ARHGAP17: variants seen among roughly 807,000 people sequenced by gnomAD.
The protein encoded by ARHGAP17 is rho GTPase-activating protein 17.
Under a neutral mutation model 99.5 loss-of-function variants are expected in ARHGAP17, and 57 were observed. That is an observed-to-expected ratio of 0.57 (90% CI 0.46 to 0.71). The LOEUF (loss-of-function observed/expected upper bound fraction) is 0.71. Ranked by LOEUF, ARHGAP17 falls within the 30% of genes least tolerant of loss-of-function variation. ARHGAP17 has a pLI of 0.00. For synonymous variants in ARHGAP17, 417 were observed against 429.6 expected (o/e 0.97, Z 0.36); for missense variants, 1,000 against 1,122.4 (o/e 0.89, Z 1.56).
At chr16:24,991,976 G>C (rs1004591456) in intron 1 of ARHGAP17, among the ~76,000 whole-genome samples, 5 of 152,210 alleles carry the variant, frequency 3.3e-5, no homozygotes, top group Non-Finnish European at 7.3e-5. Context: ...ACAGATAGAA[G>C]AGTGATTAAC....
chr16:24,993,588 C>CA lies in ARHGAP17; in HGVS notation c.54-14584dup, dbSNP rs74798570. Among the ~76,000 whole-genome samples the CA allele has an allele frequency of 6.0e-3, 680 of 113,556 alleles. 1 individual carries two copies. Among genetic ancestry groups the CA allele is most frequent in the Middle Eastern group, 0.013 (2 of 158 alleles). 74.5% of individuals were successfully genotyped at this position (113,556 alleles called of 152,430 possible). On this transcript the variant is annotated intron_variant, in intron 1 of 19. Transcript: ENST00000289968. ...TGGGCAATAGAGTGAGACTCTGTCT[C>CA]AAAAAAAAAAAAAAAAAGTAACGGG...
intron 3 of ARHGAP17, among the ~76,000 whole-genome samples, chr16:24,971,691 C>T (rs111339193): frequency 1.6e-4 from 25 of 152,332 alleles, no homozygotes; most frequent in African/African-American, 6.0e-4. Flanking sequence ...CTAAAAACTT[C>T]TAGCTAAAGA....
At chr16:24,925,617 A>T (rs2050819464) in intron 19 of ARHGAP17, among the ~76,000 whole-genome samples, 1 of 152,236 alleles carries the variant, frequency 6.6e-6, no homozygotes, top group Admixed American at 6.5e-5. Context: ...GCAAGTAGAA[A>T]CAGAAGCCAC....
chr16:24,987,522 G>T (rs955840457), intron 1 of ARHGAP17, among the ~76,000 whole-genome samples: 1 of 152,096 alleles, frequency 6.6e-6, no homozygotes, highest in Non-Finnish European at 1.5e-5. Context: ...AGAGACGCTG[G>T]CTTTTCAAGA....
intron 19 of ARHGAP17, chr16:24,927,587 G>T: frequency 2.2e-6 from 1 of 445,738 alleles, no homozygotes; most frequent in Non-Finnish European, 3.4e-6. Flanking sequence ...ATGCAAGCAG[G>T]CAGGGTTAGG....
intron 15 of ARHGAP17, 71 bp downstream of exon 15, chr16:24,943,700 T>A (rs1310331677): frequency 7.5e-7 from 1 of 1,341,730 alleles, no homozygotes; most frequent in Admixed American, 1.8e-5. Flanking sequence ...TACAGATGTA[T>A]TCTCTTAAGA....
At chr16:24,985,262 T>C (rs2052828154) in intron 1 of ARHGAP17, among the ~76,000 whole-genome samples, 1 of 152,240 alleles carries the variant, frequency 6.6e-6, no homozygotes. Context: ...ATTTGTTTCC[T>C]ATTGCTGCTG....
intron 11 of ARHGAP17, among the ~76,000 whole-genome samples, chr16:24,952,634 A>G (rs939344723): frequency 6.6e-6 from 1 of 152,222 alleles, no homozygotes; most frequent in Non-Finnish European, 1.5e-5. Context: ...CCAGGTAGAA[A>G]GGAATTTGGT....
intron 1 of ARHGAP17, among the ~76,000 whole-genome samples, chr16:24,985,517 CCA>C (rs921809841): frequency 1.3e-4 from 20 of 152,300 alleles, no homozygotes; most frequent in Admixed American, 9.1e-4. Context: ...GGCCTCTCTG[CCA>C]CAGTCACCTC....
chr16:24,974,119 C>G (rs1313339897), intron 3 of ARHGAP17, among the ~76,000 whole-genome samples: 3 of 152,222 alleles, frequency 2.0e-5, no homozygotes, highest in Admixed American at 6.5e-5. Flanking sequence ...GGAACTATTT[C>G]ACCAGGCACT....
At chr16:24,985,450 G>A (rs367738640) in intron 1 of ARHGAP17, among the ~76,000 whole-genome samples, 1 of 152,198 alleles carries the variant, frequency 6.6e-6, no homozygotes, top group East Asian at 1.9e-4. Flanking sequence ...AGCTTCTTGA[G>A]TCTACCGCAT....
intron 1 of ARHGAP17, among the ~76,000 whole-genome samples, chr16:25,009,640 T>A (rs1305910601): frequency 2.0e-5 from 3 of 152,086 alleles, no homozygotes; most frequent in African/African-American, 7.2e-5. Flanking sequence ...AACTACCTAG[T>A]GAGTGGTCCA....
In ARHGAP17 at chr16:24,947,600, G is replaced by T; in HGVS notation, c.1128-5C>A. 1 of 1,606,282 alleles carries T rather than the reference G, an allele frequency of 6.2e-7. No individual in the cohort carries two copies. The highest frequency in any genetic ancestry group is 8.5e-7 in the Non-Finnish European group (1 of 1,177,706). ...GCAAGGAACTTGATCAAATATCTAG[G>T]GGTCAAAAGAGAAGGGGAGGGTTTC... On this transcript the variant is annotated splice_region_variant and splice_polypyrimidine_tract_variant and intron_variant, in intron 13 of 19. Transcript: ENST00000289968.
chr16:25,006,246 G>A (rs2053501301), intron 1 of ARHGAP17, among the ~76,000 whole-genome samples: 3 of 151,430 alleles, frequency 2.0e-5, no homozygotes, highest in Non-Finnish European at 4.4e-5. Context: ...TTCCAGACCA[G>A]CCTGGCCAAC....
intron 6 of ARHGAP17, 110 bp downstream of exon 6, chr16:24,968,241 G>T: frequency 4.7e-6 from 6 of 1,269,702 alleles, no homozygotes; most frequent in Non-Finnish European, 6.8e-6. Flanking sequence ...ACCCAGTCTG[G>T]GGGTCAAATG....
chr16:25,006,225 A>T (rs1406598178), intron 1 of ARHGAP17, among the ~76,000 whole-genome samples: 1 of 151,880 alleles, frequency 6.6e-6, no homozygotes, highest in Non-Finnish European at 1.5e-5. Flanking sequence ...TCAACAGATA[A>T]TCAAGGTCAG....
chr16:24,990,937 AG>A (rs1281738846), intron 1 of ARHGAP17, among the ~76,000 whole-genome samples: 2 of 152,160 alleles, frequency 1.3e-5, no homozygotes, highest in Non-Finnish European at 2.9e-5. Flanking sequence ...CATAGTCTCC[AG>A]GGTCCCTGTG....
chr16:24,949,838 C>G (rs1307399598), intron 12 of ARHGAP17, among the ~76,000 whole-genome samples: 1 of 152,124 alleles, frequency 6.6e-6, no homozygotes, highest in African/African-American at 2.4e-5. Context: ...TTACAGAACC[C>G]AAATTCTCCT....
At chr16:25,004,098 C>T (rs1432821800) in intron 1 of ARHGAP17, among the ~76,000 whole-genome samples, 2 of 152,138 alleles carry the variant, frequency 1.3e-5, no homozygotes, top group Admixed American at 1.3e-4. Context: ...ACTATCTCTA[C>T]CCTTGGAATT....
Sources: gnomAD v4.1 joint callset for allele counts (sites outside exome capture counted in the v4.1 genomes callset) on GRCh38, gnomAD v4.1.1 for gene constraint, MANE v1.5 for transcripts, NCBI Gene and HGNC (gene_info 2026-07-23, HGNC 2026-07-21) for gene names.